The following USP36 variants were observed in gnomAD, a reference collection of about 807,000 sequenced individuals.
The protein encoded by USP36 is ubiquitin specific peptidase 36, also known as ubiquitin carboxyl-terminal hydrolase 36.
In USP36, 59 loss-of-function variants were observed where a neutral mutation model predicts 111.5. That is an observed-to-expected ratio of 0.53 (90% confidence interval 0.43 to 0.66). USP36 has a LOEUF of 0.66. USP36 is among the 30% of genes least tolerant of loss of function. The pLI is 0.00. For missense variants in USP36, 1,488 were observed against 1,468.0 expected, an observed-to-expected ratio of 1.01 and a Z score of -0.22; for synonymous variants, 628 against 581.0, an observed-to-expected ratio of 1.08 and a Z score of -1.16.
intron 10 of USP36, among the ~76,000 whole-genome samples, chr17:78,818,284 G>A (rs2094234642): frequency 1.3e-5 from 2 of 152,134 alleles, no homozygotes; most frequent in Admixed American, 1.3e-4. Flanking sequence ...ACCAGCCCAA[G>A]CACAACCAGA....
In USP36 at chr17:78,797,190, C is replaced by A. The variant is rs1410731369; in HGVS notation, c.*710G>T. 6.6e-6 allele frequency: 1 copy of A among 152,262 alleles called. No individual in the cohort carries two copies. The allele number at this position is 152,262 out of a possible 1,614,324, so 9.4% of individuals were successfully genotyped here. ...GCAAGGGAAGCTACAGCACAGTCGT[C>A]TCAGAATAAACAGCAGCCTGGAAAG... is the stretch of plus-strand genomic sequence containing the variant. On this transcript the variant is annotated 3_prime_UTR_variant, in exon 21 of 21. Coordinates refer to ENST00000449938, the MANE Select transcript of USP36 (RefSeq NM_001385174.1).
At chr17:78,809,592 C>G (rs1362641011) in intron 13 of USP36, among the ~76,000 whole-genome samples, 1 of 152,202 alleles carries the variant, frequency 6.6e-6, no homozygotes, top group Non-Finnish European at 1.5e-5. Context: ...TCGGGCATCA[C>G]TCTGCCCATG....
At chr17:78,830,552 C>T (rs996850460) in intron 4 of USP36, among the ~76,000 whole-genome samples, 2 of 152,196 alleles carry the variant, frequency 1.3e-5, no homozygotes, top group African/African-American at 4.8e-5. Flanking sequence ...AGGGCAAGCA[C>T]GCCTTCAAAT....
chr17:78,822,813 C>T (rs1174982014), intron 6 of USP36, among the ~76,000 whole-genome samples: 1 of 152,208 alleles, frequency 6.6e-6, no homozygotes, highest in East Asian at 1.9e-4. Flanking sequence ...CTGCCTTCCT[C>T]AGAGTCGCCT....
In USP36 at chr17:78,798,836, A is replaced by G; in HGVS notation, c.3240+72T>C. The G allele has an allele frequency of 3.8e-6, 6 of 1,567,622 alleles. No individual in the cohort carries two copies. The highest frequency in any genetic ancestry group is 5.2e-6 in the Non-Finnish European group (6 of 1,142,986). On this transcript the variant is annotated intron_variant, in intron 19 of 20. Transcript: ENST00000449938. This position sits in a 1 kb window ranked among gnomAD's most constrained non-coding sequence, Gnocchi z 5.1. ...GCTTCATGCCACTGCCGCCACCTCCAACTGCCCCGGCTCTGAGCTGAGCCA... is the reference window on the plus strand; with the variant it reads ...GCTTCATGCCACTGCCGCCACCTCCGACTGCCCCGGCTCTGAGCTGAGCCA...
intron 3 of USP36, among the ~76,000 whole-genome samples, chr17:78,790,383 T>C (rs940571186): frequency 1.3e-5 from 2 of 152,186 alleles, no homozygotes; most frequent in Admixed American, 1.3e-4. Context: ...CTCCACCTCC[T>C]GGGTTCAAGT....
chr17:78,804,528 G>C (rs1484849796), intron 15 of USP36, among the ~76,000 whole-genome samples: 2 of 147,728 alleles, frequency 1.4e-5, no homozygotes, highest in African/African-American at 5.0e-5. Flanking sequence ...CTAGGTGGTG[G>C]GTTGATAGGT....
intron 1 of USP36, 149 bp downstream of exon 1, chr17:78,840,587 G>C (rs916958232): frequency 6.6e-6 from 1 of 152,250 alleles, no homozygotes; most frequent in African/African-American, 2.4e-5. Context: ...CTCGGGGACG[G>C]CCGAAGCCCT....
intron 17 of USP36, 93 bp from the exon 18 acceptor site, chr17:78,799,861 G>T: frequency 1.3e-4 from 44 of 334,346 alleles, no homozygotes; most frequent in East Asian, 2.4e-4. Context: ...ACAACTTACA[G>T]TAAGTGGATG....
chr17:78,838,923 C>T (rs2068977258), intron 1 of USP36, 173 bp from the exon 2 acceptor site: 1 of 152,154 alleles, frequency 6.6e-6, no homozygotes, highest in Non-Finnish European at 1.5e-5. Context: ...ACCTCATCAC[C>T]AGTTGTTGTA....
chr17:78,831,924 CAG>C (rs1320639040), intron 4 of USP36, among the ~76,000 whole-genome samples: 25 of 122,280 alleles, frequency 2.0e-4, no homozygotes, highest in African/African-American at 6.9e-4. Context: ...GCCTGCGTGA[CAG>C]AGTGAGAGCT....
intron 8 of USP36, 43 bp from the exon 9 acceptor site, chr17:78,820,055 A>G (rs772809219): frequency 1.3e-6 from 2 of 1,599,136 alleles, no homozygotes; most frequent in South Asian, 2.2e-5. Flanking sequence ...CAGCAGAGGA[A>G]AAAGGCTGAT....
chr17:78,829,476 G>A (rs1447495331), intron 4 of USP36, among the ~76,000 whole-genome samples: 2 of 152,160 alleles, frequency 1.3e-5, no homozygotes, highest in African/African-American at 4.8e-5. Context: ...CTGTTCCACT[G>A]GTTCTAGTAA....
intron 3 of USP36, 191 bp downstream of exon 3, chr17:78,835,920 A>G (rs1052964819): frequency 3.7e-6 from 3 of 809,108 alleles, no homozygotes; most frequent in African/African-American, 3.5e-5. Flanking sequence ...AGATCCACCA[A>G]GCACACAGAT....
chr17:78,807,346 G>C lies in USP36; in HGVS notation c.1698C>G (p.Ser566Arg). 6.2e-7 allele frequency: 1 copy of C among 1,614,210 alleles called. No homozygotes were observed. The highest frequency in any genetic ancestry group is 8.5e-7 in the Non-Finnish European group (1 of 1,180,040). The change falls in exon 14 of 21, where the codon AGC becomes AGG. Residue 566 changes from serine to arginine, a missense_variant. This residue lies in a region of USP36 where 1,073 missense variants were observed against 994.1 expected (regional missense o/e 1.08). Coordinates refer to ENST00000449938, the MANE Select transcript of USP36 (RefSeq NM_001385174.1). ...TGCTGTCCCAGGAGCCCTGCCTTTG[G>C]CTCCCAGATCTGCTGCTATTCGAGT... Reference protein sequence around the residue: ...TSNSNSSRSGSQRQGSWDSRD... With the variant: ...TSNSNSSRSGRQRQGSWDSRD...
chr17:78,812,899 GTTCTTC>G lies in USP36; in HGVS notation c.1362_1367del (p.Lys454_Lys455del). ...GGGAGGAAATAATCCCATTGCCGAT[GTTCTTC>G]TTGGAGTGATCTGGAATCACACTCG... On this transcript the variant is annotated inframe_deletion, in exon 13 of 21. Transcript: ENST00000449938. 5.6e-6 allele frequency: 9 copies of G among 1,613,772 alleles called. No individual in the cohort carries two copies. Among genetic ancestry groups the G allele is most frequent in the Non-Finnish European group, 6.8e-6 (8 of 1,179,984 alleles).
At chr17:78,813,636 C>T (rs1017149158) in intron 12 of USP36, 137 bp downstream of exon 12, 9 of 728,138 alleles carry the variant, frequency 1.2e-5, no homozygotes, top group African/African-American at 3.6e-5. Context: ...TCCCTGTGGA[C>T]GGTCTCTATG....
intron 5 of USP36, among the ~76,000 whole-genome samples, chr17:78,827,672 G>A (rs1045818021): frequency 2.6e-5 from 4 of 152,094 alleles, no homozygotes; most frequent in Non-Finnish European, 4.4e-5. Flanking sequence ...GGAGGCCTGG[G>A]TGGGAGGATC....
intron 10 of USP36, among the ~76,000 whole-genome samples, chr17:78,815,822 T>C (rs1488901247): frequency 6.7e-6 from 1 of 148,440 alleles, no homozygotes; most frequent in Non-Finnish European, 1.5e-5. Flanking sequence ...TATACACACA[T>C]GCACACATAT....
Sources: gnomAD v4.1 joint callset for allele counts (sites outside exome capture counted in the v4.1 genomes callset) on GRCh38, gnomAD v4.1.1 for gene constraint, gnomAD v4.1.1 regional missense constraint, Gnocchi (gnomAD v3.1) non-coding constraint, MANE v1.5 for transcripts, NCBI Gene and HGNC (gene_info 2026-07-23, HGNC 2026-07-21) for gene names.